Variants in PTK2 observed in about 807,000 individuals in gnomAD.
The protein encoded by PTK2 is focal adhesion kinase 1.
PTK2 carries 45 observed loss-of-function variants against 150.1 expected under a neutral mutation model. That is an observed-to-expected ratio of 0.30 (90% CI 0.24 to 0.38). The LOEUF is 0.38. PTK2 is among the 10% of genes least tolerant of loss of function. PTK2 has a pLI of 1.00. For missense variants in PTK2, 919 were observed against 1,307.3 expected (o/e 0.70, Z 4.58); for synonymous variants, 432 against 449.2 (o/e 0.96, Z 0.48).
chr8:140,767,861 T>C (rs1290741961), intron 14 of PTK2, among the ~76,000 whole-genome samples: 1 of 152,182 alleles, frequency 6.6e-6, no homozygotes, highest in Non-Finnish European at 1.5e-5. Context: ...ACTGATATGA[T>C]AGGTATTTTT....
intron 5 of PTK2, among the ~76,000 whole-genome samples, chr8:140,849,391 A>G (rs1246988531): frequency 6.6e-6 from 1 of 152,128 alleles, no homozygotes; most frequent in East Asian, 1.9e-4. Context: ...GGGCTTCAAG[A>G]CTCAGAATTA....
intron 1 of PTK2, among the ~76,000 whole-genome samples, chr8:140,966,602 T>C (rs2100185397): frequency 6.6e-6 from 1 of 152,250 alleles, no homozygotes; most frequent in Non-Finnish European, 1.5e-5. Context: ...AAATCTGAAC[T>C]AGCTCAGAGT....
chr8:140,792,865 T>C (rs913471471), intron 13 of PTK2, among the ~76,000 whole-genome samples: 1 of 152,244 alleles, frequency 6.6e-6, no homozygotes, highest in African/African-American at 2.4e-5. Flanking sequence ...ATTCATATCT[T>C]AGTCCCCAGT....
intron 27 of PTK2, 72 bp downstream of exon 30, chr8:140,686,560 T>C (rs971822473): frequency 2.0e-5 from 23 of 1,158,888 alleles, no homozygotes; most frequent in Middle Eastern, 1.9e-4. Flanking sequence ...CTTGGATATA[T>C]TGTGACATAA....
intron 27 of PTK2, among the ~76,000 whole-genome samples, chr8:140,679,103 C>A (rs2100015670): frequency 7.1e-6 from 1 of 141,788 alleles, no homozygotes; most frequent in African/African-American, 2.7e-5. Context: ...TGGCTCACTG[C>A]AACCTCTGCC....
chr8:140,884,478 C>G (rs1022219617), intron 3 of PTK2, among the ~76,000 whole-genome samples: 2 of 152,038 alleles, frequency 1.3e-5, no homozygotes, highest in Non-Finnish European at 2.9e-5. Context: ...TATTAATAAT[C>G]AATTGTTTTT....
chr8:140,852,758 C>G (rs1304368879), intron 5 of PTK2, among the ~76,000 whole-genome samples: 1 of 152,152 alleles, frequency 6.6e-6, no homozygotes, highest in East Asian at 1.9e-4. Context: ...GAGCTGAAGA[C>G]TGAGCAGAAG....
At chr8:140,862,015 A>G (rs551941303) in intron 5 of PTK2, among the ~76,000 whole-genome samples, 90 of 152,344 alleles carry the variant, frequency 5.9e-4, no homozygotes, top group African/African-American at 2.1e-3. Context: ...TTAGTAAAAG[A>G]AAATCTGGGA....
chr8:140,743,769 G>C (rs1339011123), intron 19 of PTK2, among the ~76,000 whole-genome samples: 1 of 150,254 alleles, frequency 6.7e-6, no homozygotes, highest in Non-Finnish European at 1.5e-5. Flanking sequence ...TAGATGCTTA[G>C]TTTTTCTTTT....
At chr8:140,935,870 C>G (rs1360955486) in intron 1 of PTK2, among the ~76,000 whole-genome samples, 1 of 151,876 alleles carries the variant, frequency 6.6e-6, no homozygotes, top group Non-Finnish European at 1.5e-5. Context: ...CAGGGTTTCA[C>G]CGTGTTGACC....
intron 2 of PTK2, among the ~76,000 whole-genome samples, chr8:140,891,699 A>G (rs1367829989): frequency 6.6e-6 from 1 of 152,196 alleles, no homozygotes; most frequent in African/African-American, 2.4e-5. Flanking sequence ...ACTGTGTCAA[A>G]CACTCTGCAG....
chr8:140,976,854 T>C (rs1471326356), intron 1 of PTK2, among the ~76,000 whole-genome samples: 2 of 152,244 alleles, frequency 1.3e-5, no homozygotes, highest in Admixed American at 1.3e-4. Context: ...ACCAAGATTT[T>C]AGCCAAATTC....
chr8:140,854,415 A>C (rs998781139), intron 5 of PTK2, among the ~76,000 whole-genome samples: 13 of 152,238 alleles, frequency 8.5e-5, no homozygotes, highest in Admixed American at 8.5e-4. Context: ...AAAAGTTGCC[A>C]ATGAAATACT....
chr8:140,808,427 A>G (rs1410743765), intron 10 of PTK2, among the ~76,000 whole-genome samples: 2 of 152,220 alleles, frequency 1.3e-5, no homozygotes, highest in Non-Finnish European at 1.5e-5. Context: ...CTTCTACTTT[A>G]TATAACTAAT....
intron 27 of PTK2, among the ~76,000 whole-genome samples, chr8:140,681,501 G>C (rs947634418): frequency 3.9e-5 from 6 of 152,186 alleles, no homozygotes; most frequent in Non-Finnish European, 8.8e-5. Flanking sequence ...GCCGGGCGCG[G>C]TGGCTCACGC....
intron 10 of PTK2, among the ~76,000 whole-genome samples, chr8:140,806,223 C>T (rs774708999): frequency 2.6e-5 from 4 of 152,188 alleles, no homozygotes; most frequent in Non-Finnish European, 5.9e-5. Context: ...TCCAGGAATG[C>T]AACTTACGCG....
chr8:140,674,217 T>C, intron 29 of PTK2, 81 bp downstream of exon 32: 2 of 1,349,682 alleles, frequency 1.5e-6, no homozygotes, highest in Non-Finnish European at 2.1e-6. Flanking sequence ...CTCCACTCTA[T>C]GACATGAACA....
At chr8:140,756,051 A>G (rs1468527257) in intron 16 of PTK2, among the ~76,000 whole-genome samples, 1 of 152,164 alleles carries the variant, frequency 6.6e-6, no homozygotes, top group Non-Finnish European at 1.5e-5. Context: ...CAGGCCGGGC[A>G]TGGTGGCTCA....
intron 2 of PTK2, among the ~76,000 whole-genome samples, chr8:140,892,440 G>T (rs931780873): frequency 6.6e-6 from 1 of 152,244 alleles, no homozygotes; most frequent in African/African-American, 2.4e-5. Flanking sequence ...GGAGGCTGAG[G>T]GGGGAGGATC....
Sources: allele counts gnomAD v4.1 joint callset (sites outside exome capture counted in the v4.1 genomes callset), GRCh38; gene constraint gnomAD v4.1.1; transcripts MANE v1.5; gene names NCBI Gene and HGNC (gene_info 2026-07-23, HGNC 2026-07-21).